The following PCYT2 variants were observed in gnomAD, a reference collection of about 807,000 sequenced individuals.
PCYT2 encodes ethanolamine-phosphate cytidylyltransferase.
A neutral mutation model predicts 50.0 loss-of-function variants in PCYT2; 33 were observed. That is an observed-to-expected ratio of 0.66 (90% CI 0.50 to 0.88). PCYT2 has a LOEUF of 0.88. Ranked by LOEUF, PCYT2 falls within the 40% of genes least tolerant of loss-of-function variation. PCYT2 has a pLI of 0.00. For synonymous variants in PCYT2, 240 were observed against 203.7 expected (o/e 1.18, Z -1.52); for missense variants, 430 against 519.7 (o/e 0.83, Z 1.68).
chr17:81,907,277 C>T, intron 6 of PCYT2: 1 of 1,527,010 alleles, frequency 6.5e-7, no homozygotes, highest in Non-Finnish European at 8.8e-7. Context: ...GAGAGAGGGC[C>T]AGGCCACTTG....
At chr17:81,905,875 C>T in intron 9 of PCYT2, 140 bp from the exon 10 acceptor site, 1 of 890,930 alleles carries the variant, frequency 1.1e-6, no homozygotes. Context: ...GCTGGGGACC[C>T]CTGGGGCTCC....
At position 81,903,137 on chromosome 17, in the gene PCYT2, T is replaced by G; in HGVS notation, c.*1696A>C. ...AAGTGCAGGGCCACGGCTGGCCCGG[T>G]TCCCAGTGTCCTCCCCCAGCCCTTC... On this transcript the variant is annotated 3_prime_UTR_variant, in exon 13 of 13. Transcript: ENST00000538936. 4.4e-6 allele frequency: 1 copy of G among 227,090 alleles called. No individual in the cohort carries two copies. Among genetic ancestry groups the G allele is most frequent in the Non-Finnish European group, 8.6e-6 (1 of 116,846 alleles). The allele number at this position is 227,090 out of a possible 1,614,324, so 14.1% of individuals were successfully genotyped here.
In PCYT2 at chr17:81,902,164, C is replaced by T; in HGVS notation, c.*2669G>A. On this transcript the variant is annotated 3_prime_UTR_variant, in exon 13 of 13. Coordinates refer to ENST00000538936, the MANE Select transcript of PCYT2 (RefSeq NM_002861.5). ...GCCCGCTGCACCCCAGCCCGCCCGCCGCCCCTCCCGGCCCTCCGCAGCCTC... is the reference window on the plus strand; with the variant it reads ...GCCCGCTGCACCCCAGCCCGCCCGCTGCCCCTCCCGGCCCTCCGCAGCCTC... 9.7e-7 allele frequency: 1 copy of T among 1,025,710 alleles called. No homozygotes were observed. Among genetic ancestry groups the T allele is most frequent in the Non-Finnish European group, 1.2e-6 (1 of 813,452 alleles). 63.5% of individuals were successfully genotyped at this position (1,025,710 alleles called of 1,614,324 possible).
At chr17:81,906,610 G>T in intron 7 of PCYT2, 64 bp from the exon 8 acceptor site, 3 of 1,568,344 alleles carry the variant, frequency 1.9e-6, no homozygotes, top group Non-Finnish European at 2.6e-6. Context: ...GACAGCTCAT[G>T]CCCAAGGGCC....
chr17:81,907,516 A>G (rs1567892518), intron 6 of PCYT2, 38 bp downstream of exon 6: 7 of 1,586,490 alleles, frequency 4.4e-6, no homozygotes, highest in Non-Finnish European at 6.0e-6. Flanking sequence ...AGCCCCCTGC[A>G]GCTGCGTGCT....
Position 81,907,821 on chromosome 17 carries a change from G to T in PCYT2, c.444C>A (p.Asp148Glu). The T allele has an allele frequency of 6.2e-7, 1 of 1,613,274 alleles. No individual in the cohort carries two copies. ...TTACCAGCAGCATGCGGCCCACGAG[G>T]TCTGTGGTGGACACCCCTTGCGTGC... ...CKRTQGVSTT[D>E]LVGRMLLVTK... Residue 148 changes from aspartate (D) to glutamate (E), a missense_variant, in exon 5 of 13, where the codon GAC (aspartate) becomes GAA (glutamate). Coordinates refer to ENST00000538936, the MANE Select transcript of PCYT2 (RefSeq NM_002861.5).
In PCYT2 at chr17:81,902,158, GC is replaced by G; in HGVS notation, c.*2674del. ...GCGCGCGCCCGCTGCACCCCAGCCC[GC>G]CCGCCGCCCCTCCCGGCCCTCCGCA... is the stretch of plus-strand genomic sequence containing the variant. On this transcript the variant is annotated 3_prime_UTR_variant, in exon 13 of 13. Coordinates refer to ENST00000538936, the MANE Select transcript of PCYT2 (RefSeq NM_002861.5). 1 of 728,974 alleles carries G rather than the reference GC, an allele frequency of 1.4e-6. No individual in the cohort carries two copies. Among genetic ancestry groups the G allele is most frequent in the Non-Finnish European group, 1.8e-6 (1 of 545,562 alleles). The allele number at this position is 728,974 out of a possible 1,614,324, so 45.2% of individuals were successfully genotyped here.
rs533925723 is a variant in PCYT2 at position 81,906,976 on chromosome 17, C to T, written c.538-78G>A. The T allele has an allele frequency of 2.4e-5, 35 of 1,471,570 alleles. No individual in the cohort carries two copies. In the Middle Eastern group the frequency reaches 5.5e-4, roughly 23 times the overall value. The allele number at this position is 1,471,570 out of a possible 1,614,324, so 91.2% of individuals were successfully genotyped here. ...CCTCACCAGGTCACCAAACCCTCAG[C>T]TGTCACCTGCCAGCAATCCCATTTC... On this transcript the variant is annotated intron_variant, in intron 6 of 12. Coordinates refer to ENST00000538936, the MANE Select transcript of PCYT2 (RefSeq NM_002861.5).
intron 7 of PCYT2, 83 bp downstream of exon 7, chr17:81,906,676 TG>T: frequency 6.3e-7 from 1 of 1,590,626 alleles, no homozygotes; most frequent in Non-Finnish European, 8.6e-7. Flanking sequence ...CAGCCCAGTC[TG>T]GGGGCCCCAA....
At chr17:81,906,008 G>T in intron 9 of PCYT2, 92 bp downstream of exon 9, 2 of 1,163,506 alleles carry the variant, frequency 1.7e-6, no homozygotes, top group Non-Finnish European at 2.4e-6. Context: ...AGTGACCCAA[G>T]CCCCCCTGCC....
At chr17:81,907,148 C>A (rs1174417788) in intron 6 of PCYT2, 1 of 1,378,460 alleles carries the variant, frequency 7.3e-7, no homozygotes, top group Non-Finnish European at 9.7e-7. Flanking sequence ...AGCCCTGTGG[C>A]AGGTGCACAC....
In PCYT2 at chr17:81,901,994, G is replaced by A. The variant is rs575385552; in HGVS notation, c.*2839C>T. The A allele has an allele frequency of 1.0e-3, 239 of 231,050 alleles. 1 individual carries two copies. The highest frequency in any genetic ancestry group is 5.2e-3 in the African/African-American group (227 of 43,816). The allele number at this position is 231,050 out of a possible 1,614,324, so 14.3% of individuals were successfully genotyped here. A position where few individuals can be genotyped will look rare whatever the true frequency, so the allele number is the denominator to read the frequency against. On this transcript the variant is annotated 3_prime_UTR_variant, in exon 13 of 13. Transcript: ENST00000538936. ...GCTGCCACTGCGGCCCACGCAAGCCGGGCCTGAAGGGCGCGAGCGGCATGG... is the reference window on the plus strand; with the variant it reads ...GCTGCCACTGCGGCCCACGCAAGCCAGGCCTGAAGGGCGCGAGCGGCATGG...
rs1402573736 is a variant in PCYT2 at position 81,902,131 on chromosome 17, C to CCG, written c.*2700_*2701dup. The CCG allele has an allele frequency of 1.4e-6, 1 of 713,564 alleles. No homozygotes were observed. 44.2% of individuals were successfully genotyped at this position (713,564 alleles called of 1,614,324 possible). A position where few individuals can be genotyped will look rare whatever the true frequency, so the allele number is the denominator to read the frequency against. ...GGGATGCGGAGGTGCGACGGCTCCT[C>CCG]CGCGCGCGCCCGCTGCACCCCAGCC... On this transcript the variant is annotated 3_prime_UTR_variant, in exon 13 of 13. Coordinates refer to ENST00000538936, the MANE Select transcript of PCYT2 (RefSeq NM_002861.5).
chr17:81,905,219 G>T, intron 11 of PCYT2, 65 bp from the exon 12 acceptor site: 1 of 1,436,652 alleles, frequency 7.0e-7, no homozygotes, highest in Non-Finnish European at 9.6e-7. Context: ...CCCATCTGAT[G>T]CCCTGCCCCA....
In PCYT2 at chr17:81,905,453, G is replaced by A. The variant is rs775465347; in HGVS notation, c.904-6C>T. On this transcript the variant is annotated splice_region_variant and splice_polypyrimidine_tract_variant and intron_variant, in intron 10 of 12. Coordinates refer to ENST00000538936, the MANE Select transcript of PCYT2 (RefSeq NM_002861.5). ...CCGTGACACACCAGGTCCACCTGGA[G>A]AAGGAGTGGGGTCAGGAGCCCTCCC... 2.5e-5 allele frequency: 39 copies of A among 1,564,510 alleles called. No homozygotes were observed. The East Asian group carries it at 5.0e-4, about 20-fold the overall frequency.
rs891665432 is a variant in PCYT2 at position 81,911,073 on chromosome 17, G to A, written c.89+194C>T. 99 of 1,001,640 alleles carry A rather than the reference G, an allele frequency of 9.9e-5. 1 individual carries two copies. The African/African-American group carries it at 1.6e-3, about 16-fold the overall frequency. 62.0% of individuals were successfully genotyped at this position (1,001,640 alleles called of 1,614,324 possible). On this transcript the variant is annotated intron_variant, in intron 1 of 12. Coordinates refer to ENST00000538936, the MANE Select transcript of PCYT2 (RefSeq NM_002861.5). Reference sequence around the variant, plus strand: ...GCCTCCGCCAGAGGTAGACGGGGTCGCCCACGGCAGGGCGCGGAGCCTCTG... The same window carrying A: ...GCCTCCGCCAGAGGTAGACGGGGTCACCCACGGCAGGGCGCGGAGCCTCTG...
In PCYT2 at chr17:81,903,887, G is replaced by C. The variant is rs893021396; in HGVS notation, c.*946C>G. The C allele has an allele frequency of 1.3e-5, 2 of 152,252 alleles. No homozygotes were observed. Among genetic ancestry groups the C allele is most frequent in the African/African-American group, 4.8e-5 (2 of 41,452 alleles). The allele number at this position is 152,252 out of a possible 1,614,324, so 9.4% of individuals were successfully genotyped here. On this transcript the variant is annotated 3_prime_UTR_variant, in exon 13 of 13. Transcript: ENST00000538936. Reference sequence around the variant, plus strand: ...CTCATTTTGAATGCGGCGAGACCAGGCAATCTATGGCCTCCCTAGACACCT... The same window carrying C: ...CTCATTTTGAATGCGGCGAGACCAGCCAATCTATGGCCTCCCTAGACACCT...
chr17:81,901,855 T>C lies in PCYT2; in HGVS notation c.*2978A>G, dbSNP rs903735656. The C allele has an allele frequency of 1.3e-5, 2 of 156,008 alleles. No individual in the cohort carries two copies. The highest frequency in any genetic ancestry group is 4.8e-5 in the African/African-American group (2 of 41,552). 9.7% of individuals were successfully genotyped at this position (156,008 alleles called of 1,614,324 possible). A position where few individuals can be genotyped will look rare whatever the true frequency, so the allele number is the denominator to read the frequency against. The stretch of plus-strand genomic sequence containing the variant: ...CTGGAGCCAAGAATACCCCTTAGGG[T>C]GGTAGAAACCGCCCCCGGGGCACTG... On this transcript the variant is annotated 3_prime_UTR_variant, in exon 13 of 13. Coordinates refer to ENST00000538936, the MANE Select transcript of PCYT2 (RefSeq NM_002861.5).
At chr17:81,906,715 C>A (rs775176114) in intron 7 of PCYT2, 45 bp downstream of exon 7, 23 of 1,606,472 alleles carry the variant, frequency 1.4e-5, no homozygotes, top group Non-Finnish European at 2.0e-5. Flanking sequence ...CCGGGTCCCA[C>A]CCCATGTGGC....
Sources: allele counts gnomAD v4.1 joint callset, GRCh38; gene constraint gnomAD v4.1.1; transcripts MANE v1.5; gene names NCBI Gene and HGNC (gene_info 2026-07-23, HGNC 2026-07-21).